RFX4: variants seen among roughly 807,000 people sequenced by gnomAD.
RFX4 encodes the protein regulatory factor X4, also known as transcription factor RFX4.
A neutral mutation model predicts 95.0 loss-of-function variants in RFX4; 10 were observed. The observed-to-expected ratio is 0.11, with a 90% CI of 0.06 to 0.18. The LOEUF is 0.18. RFX4 is among the 10% of genes least tolerant of loss of function. The pLI, the probability that RFX4 is intolerant of heterozygous loss-of-function variation, is 1.00. For synonymous variants in RFX4, 321 were observed against 340.7 expected (o/e 0.94, Z 0.64); for missense variants, 640 against 922.0 (o/e 0.69, Z 3.96).
At chr12:106,651,919 T>A (rs1427696896) in intron 3 of RFX4, among the ~76,000 whole-genome samples, 2 of 152,212 alleles carry the variant, frequency 1.3e-5, no homozygotes, top group Non-Finnish European at 2.9e-5. Flanking sequence ...GACCCCAGTT[T>A]GAGAAAGCTG....
rs375393273 is a variant in RFX4 at position 106,687,155 on chromosome 12, C to T, written c.591+58C>T. ...GTGGTTTCTCTCTCTTTCTCTCTCT[C>T]TCTCTGTCTCTATCTCTCTCTCTCT... On this transcript the variant is annotated intron_variant, in intron 6 of 17. Transcript: ENST00000392842. 4.5e-5 allele frequency: 59 copies of T among 1,307,692 alleles called. 1 individual carries two copies. In the African/African-American group the frequency reaches 8.0e-4, roughly 18 times the overall value. The allele number at this position is 1,307,692 out of a possible 1,614,324, so 81.0% of individuals were successfully genotyped here.
At chr12:106,660,704 T>C (rs76319830) in intron 4 of RFX4, among the ~76,000 whole-genome samples, 13,780 of 152,128 alleles carry the variant, frequency 0.091, 886 homozygotes, top group Middle Eastern at 0.15. Flanking sequence ...TGTGGTCTGT[T>C]AGGAACTGGG....
At chr12:106,642,019 C>CTATATCTATATCTATATCTA (rs535427954) in intron 3 of RFX4, among the ~76,000 whole-genome samples, 1 of 147,500 alleles carries the variant, frequency 6.8e-6, no homozygotes, top group African/African-American at 2.5e-5. Context: ...ATATCTATAT[C>CTATATCTATATCTATATCTA]TATTTTTTGA....
chr12:106,740,983 A>G (rs1336461847), intron 15 of RFX4, among the ~76,000 whole-genome samples: 1 of 152,176 alleles, frequency 6.6e-6, no homozygotes, highest in Non-Finnish European at 1.5e-5. Flanking sequence ...AAATGTGTAT[A>G]ATAAATAAGG....
chr12:106,595,569 G>A (rs1184371693), intron 1 of RFX4, among the ~76,000 whole-genome samples: 1 of 152,158 alleles, frequency 6.6e-6, no homozygotes, highest in Non-Finnish European at 1.5e-5. Flanking sequence ...GAGCTTCTAA[G>A]TTCAACCTGG....
intron 15 of RFX4, among the ~76,000 whole-genome samples, chr12:106,746,159 C>T (rs1217370443): frequency 6.6e-6 from 1 of 152,024 alleles, no homozygotes; most frequent in African/African-American, 2.4e-5. Flanking sequence ...AGTTCGAGAC[C>T]AGCCTGACCA....
At chr12:106,616,310 A>T (rs945964573) in intron 2 of RFX4, among the ~76,000 whole-genome samples, 2 of 152,134 alleles carry the variant, frequency 1.3e-5, no homozygotes, top group African/African-American at 4.8e-5. Flanking sequence ...AATAAATCAC[A>T]CTTGGTCAGA....
chr12:106,729,195 T>C (rs760536404), intron 13 of RFX4, among the ~76,000 whole-genome samples: 2 of 152,230 alleles, frequency 1.3e-5, no homozygotes, highest in Admixed American at 6.5e-5. Context: ...AAGCTTTCCA[T>C]GCTAATTCAT....
intron 1 of RFX4, among the ~76,000 whole-genome samples, chr12:106,604,246 G>A (rs949298594): frequency 6.7e-6 from 1 of 150,160 alleles, no homozygotes; most frequent in African/African-American, 2.5e-5. Context: ...TCAGCCTCCT[G>A]CGTAGCTGGG....
chr12:106,600,821 C>T (rs1040813836), intron 1 of RFX4, among the ~76,000 whole-genome samples: 1 of 152,168 alleles, frequency 6.6e-6, no homozygotes, highest in African/African-American at 2.4e-5. Context: ...TCCAACATCA[C>T]CTCCTCAGAG....
At chr12:106,680,808 C>T (rs1308522584) in intron 4 of RFX4, 2 of 152,248 alleles carry the variant, frequency 1.3e-5, no homozygotes, top group Non-Finnish European at 2.9e-5. Flanking sequence ...CCAGGCACTA[C>T]TGCCAGCTAT....
chr12:106,718,838 T>C (rs773717385), intron 11 of RFX4, among the ~76,000 whole-genome samples: 30 of 151,758 alleles, frequency 2.0e-4, no homozygotes, highest in African/African-American at 3.6e-4. Flanking sequence ...CAGCCGGGCG[T>C]GGTGGTGCAC....
At chr12:106,585,511 CCGA>C (rs2039441951) in intron 1 of RFX4, among the ~76,000 whole-genome samples, 2 of 152,206 alleles carry the variant, frequency 1.3e-5, no homozygotes, top group African/African-American at 2.4e-5. Flanking sequence ...ACTTGCAAAA[CCGA>C]CGACAAGGGA....
chr12:106,750,945 TA>T (rs1159526155), intron 17 of RFX4, 152 bp downstream of exon 17: 1 of 659,136 alleles, frequency 1.5e-6, no homozygotes, highest in East Asian at 4.0e-5. Context: ...TATTTATTTT[TA>T]TTATTATACT....
intron 2 of RFX4, among the ~76,000 whole-genome samples, chr12:106,626,140 T>C (rs980978086): frequency 2.0e-5 from 3 of 152,190 alleles, no homozygotes; most frequent in African/African-American, 7.2e-5. Context: ...TCCTGGCCTA[T>C]AGCATAGACC....
At chr12:106,591,425 G>A (rs2039543618) in intron 1 of RFX4, among the ~76,000 whole-genome samples, 1 of 151,654 alleles carries the variant, frequency 6.6e-6, no homozygotes, top group Non-Finnish European at 1.5e-5. Flanking sequence ...CCGCCACCAC[G>A]CTGGCTAATT....
intron 8 of RFX4, among the ~76,000 whole-genome samples, chr12:106,699,735 C>T (rs1237717359): frequency 6.6e-6 from 1 of 152,028 alleles, no homozygotes; most frequent in African/African-American, 2.4e-5. Context: ...GTTTGCATTA[C>T]ATTTTTTTCC....
At chr12:106,731,720 G>A (rs1346240751) in intron 13 of RFX4, among the ~76,000 whole-genome samples, 1 of 152,190 alleles carries the variant, frequency 6.6e-6, no homozygotes, top group Non-Finnish European at 1.5e-5. Flanking sequence ...AAGTCCAATT[G>A]GGGGAATAAT....
intron 7 of RFX4, among the ~76,000 whole-genome samples, chr12:106,694,758 G>C (rs148466724): frequency 6.6e-6 from 1 of 152,028 alleles, no homozygotes; most frequent in African/African-American, 2.4e-5. Context: ...AGCTAATGGC[G>C]GCCAGGCGGT....
Sources: gnomAD v4.1 joint callset for allele counts (sites outside exome capture counted in the v4.1 genomes callset) on GRCh38, gnomAD v4.1.1 for gene constraint, MANE v1.5 for transcripts, NCBI Gene and HGNC (gene_info 2026-07-23, HGNC 2026-07-21) for gene names.